IL7: variants seen among roughly 807,000 people sequenced by gnomAD.
IL7 encodes the protein interleukin 7.
A neutral mutation model predicts 21.6 loss-of-function variants in IL7; 3 were observed. That is an observed-to-expected ratio of 0.14 (90% CI 0.06 to 0.36). The LOEUF (loss-of-function observed/expected upper bound fraction) is 0.36, where lower values mean the gene tolerates loss of function less well. Ranked by LOEUF, IL7 falls within the 10% of genes least tolerant of loss-of-function variation. The probability of loss-of-function intolerance (pLI) is 1.00; values close to 1 mark genes in which losing one functional copy is unlikely to be tolerated. For synonymous variants in IL7, 62 were observed against 68.1 expected, an observed-to-expected ratio of 0.91 and a Z score of 0.44; for missense variants, 175 against 200.2, an observed-to-expected ratio of 0.87 and a Z score of 0.76.
intron 3 of IL7, chr8:78,712,040 G>A (rs1810965629): frequency 7.8e-7 from 1 of 1,289,560 alleles, no homozygotes; most frequent in Non-Finnish European, 1.0e-6. Context: ...CTTGTGCAAA[G>A]GTTGTATGAC....
intron 3 of IL7, among the ~76,000 whole-genome samples, chr8:78,725,082 G>GA (rs1811317928): frequency 6.6e-6 from 1 of 152,022 alleles, no homozygotes; most frequent in Non-Finnish European, 1.5e-5. Context: ...TTTCCATGGT[G>GA]AAACTCTCAC....
intron 2 of IL7, among the ~76,000 whole-genome samples, chr8:78,787,405 G>GA (rs1378968284): frequency 6.6e-6 from 1 of 152,094 alleles, no homozygotes. Context: ...AGAATATGAG[G>GA]AAAAAAACTC....
At chr8:78,736,574 T>C in intron 4 of IL7, 47 bp from the exon 5 acceptor site, 1 of 1,240,144 alleles carries the variant, frequency 8.1e-7, no homozygotes, top group Non-Finnish European at 1.2e-6. Flanking sequence ...TCTTCATTGC[T>C]CCTCCAGTTG....
chr8:78,723,751 G>A (rs748344011), intron 3 of IL7: 14 of 203,450 alleles, frequency 6.9e-5, no homozygotes, highest in Non-Finnish European at 1.3e-4. Flanking sequence ...CATATATGAG[G>A]AAGTATGAGT....
intron 3 of IL7, chr8:78,686,468 C>T: frequency 7.2e-7 from 1 of 1,396,310 alleles, no homozygotes; most frequent in Non-Finnish European, 9.4e-7. Flanking sequence ...TATTTATAGC[C>T]AGAACCACCA....
chr8:78,738,146 G>T (rs1019409261), intron 4 of IL7, among the ~76,000 whole-genome samples: 9 of 152,088 alleles, frequency 5.9e-5, no homozygotes, highest in Non-Finnish European at 1.2e-4. Context: ...TATTGACTAG[G>T]AGTTCTTGTA....
chr8:78,675,783 T>G (rs1809559433), exon 5 of IL7: 9 of 1,601,142 alleles, frequency 5.6e-6, no homozygotes, highest in Non-Finnish European at 7.7e-6. Context: ...CCTTCCTGTT[T>G]TAGAGAATGG....
rs74960942 is a variant in IL7, at chr8:78,797,700, A to G, written c.147+372T>C. 9.7e-3 allele frequency: 1,561 copies of G among 161,278 alleles called. 13 individuals are homozygous for G. The highest frequency in any genetic ancestry group is 0.016 in the Non-Finnish European group (1,181 of 73,752). The allele number at this position is 161,278 out of a possible 1,614,324, so 10.0% of individuals were successfully genotyped here. A position where few individuals can be genotyped will look rare whatever the true frequency, so the allele number is the denominator to read the frequency against. ...CAAATAAAATACACATCTATTCACC[A>G]TAAGTCTTAACTATTTACTCTGTTA... is the stretch of plus-strand genomic sequence containing the variant. On this transcript the variant is annotated intron_variant, in intron 2 of 5. Coordinates refer to ENST00000263851, the MANE Select transcript of IL7 (RefSeq NM_000880.4).
chr8:78,767,783 T>G (rs1220782044), intron 2 of IL7, among the ~76,000 whole-genome samples: 1 of 152,136 alleles, frequency 6.6e-6, no homozygotes, highest in East Asian at 1.9e-4. Context: ...ATTTTATTAT[T>G]ATTATACTTT....
chr8:78,694,854 G>A (rs530147063), intron 3 of IL7, among the ~76,000 whole-genome samples: 81 of 152,272 alleles, frequency 5.3e-4, no homozygotes, highest in African/African-American at 1.9e-3. Context: ...GAAATACGTT[G>A]AATGTAATTG....
At chr8:78,787,452 G>T (rs1055046957) in intron 2 of IL7, among the ~76,000 whole-genome samples, 2 of 152,204 alleles carry the variant, frequency 1.3e-5, no homozygotes, top group African/African-American at 4.8e-5. Flanking sequence ...TATGTTGATT[G>T]TTGTTGAGGG....
intron 2 of IL7, among the ~76,000 whole-genome samples, chr8:78,777,854 A>G (rs72661374): frequency 6.6e-6 from 1 of 151,980 alleles, no homozygotes; most frequent in Non-Finnish European, 1.5e-5. Context: ...TTAATTCTAC[A>G]CTGCTGCAGT....
exon 5 of IL7, chr8:78,675,932 C>T: frequency 7.4e-7 from 1 of 1,359,466 alleles, no homozygotes. Flanking sequence ...CTGGTCAATT[C>T]TCATGGGAAG....
At chr8:78,679,770 C>G (rs1436305521) in intron 4 of IL7, among the ~76,000 whole-genome samples, 1 of 152,094 alleles carries the variant, frequency 6.6e-6, no homozygotes, top group Non-Finnish European at 1.5e-5. Context: ...GGAAATTAAT[C>G]TTACTAATAA....
At chr8:78,717,287 G>T, downstream of IL7, 1 of 1,577,032 alleles carries the variant, frequency 6.3e-7, no homozygotes, top group South Asian at 1.2e-5. Context: ...GAAAACTACT[G>T]ATACAAACTT....
At chr8:78,751,173 G>A (rs2583763) in intron 2 of IL7, among the ~76,000 whole-genome samples, 28,791 of 150,900 alleles carry the variant, frequency 0.19, 3,825 homozygotes, top group African/African-American at 0.37. Context: ...ACATGTAATG[G>A]GAATATAAAA....
intron 2 of IL7, among the ~76,000 whole-genome samples, chr8:78,792,881 A>T (rs2130833392): frequency 6.6e-6 from 1 of 152,270 alleles, no homozygotes; most frequent in Non-Finnish European, 1.5e-5. Flanking sequence ...CAAAAAGTTT[A>T]ACAGAGTGAC....
intron 1 of IL7, among the ~76,000 whole-genome samples, chr8:78,803,097 T>A (rs1814141354): frequency 6.6e-6 from 1 of 152,178 alleles, no homozygotes; most frequent in South Asian, 2.1e-4. Context: ...TTTAAAAAAA[T>A]ATTCAAACAC....
At chr8:78,772,284 G>C (rs1812983369) in intron 2 of IL7, among the ~76,000 whole-genome samples, 1 of 152,114 alleles carries the variant, frequency 6.6e-6, no homozygotes, top group South Asian at 2.1e-4. Context: ...CAATATAAGT[G>C]CTAGCAAAAT....
Sources: allele counts gnomAD v4.1 joint callset (sites outside exome capture counted in the v4.1 genomes callset), GRCh38; gene constraint gnomAD v4.1.1; transcripts MANE v1.5; gene names NCBI Gene and HGNC (gene_info 2026-07-23, HGNC 2026-07-21).